CAST: variants seen among roughly 807,000 people sequenced by gnomAD.
CAST encodes the protein calpastatin, also known as MIR583 host.
In CAST, 76 loss-of-function variants were observed where a neutral mutation model predicts 119.6. The observed-to-expected ratio is 0.64, with a 90% CI of 0.53 to 0.77. The LOEUF is 0.77. CAST is among the 30% of genes least tolerant of loss of function. The pLI is 0.00. For missense variants in CAST, 953 were observed against 946.5 expected (o/e 1.01, Z -0.09); for synonymous variants, 319 against 331.6 (o/e 0.96, Z 0.41).
chr5:96,347,853 C>T, the CAST span, among the ~76,000 whole-genome samples: 1 of 152,122 alleles, frequency 6.6e-6, no homozygotes, highest in Non-Finnish European at 1.5e-5. Flanking sequence ...AGCCACTAAC[C>T]GTGTCTACTA....
chr5:96,263,653 C>T, the CAST span, among the ~76,000 whole-genome samples: 19 of 152,014 alleles, frequency 1.2e-4, no homozygotes, highest in South Asian at 3.9e-3. Context: ...AAAAATAATC[C>T]TCATTTAACT....
At chr5:96,090,771 A>T in the CAST span, among the ~76,000 whole-genome samples, 1 of 151,534 alleles carries the variant, frequency 6.6e-6, no homozygotes, top group Admixed American at 6.6e-5. Flanking sequence ...CTTTTGGGAG[A>T]TCAGCAGAGA....
At chr5:96,039,587 A>G in the CAST span, among the ~76,000 whole-genome samples, 2 of 152,164 alleles carry the variant, frequency 1.3e-5, no homozygotes, top group African/African-American at 4.8e-5. Context: ...AGTTTTTTGC[A>G]TATGGCTAGC....
the CAST span, among the ~76,000 whole-genome samples, chr5:96,356,730 T>C: frequency 6.6e-6 from 1 of 152,228 alleles, no homozygotes. Context: ...TTTTTATTAC[T>C]GTAGCCTTGT....
At chr5:96,556,344 A>G (rs1431535226) in intron 1 of CAST, among the ~76,000 whole-genome samples, 1 of 152,222 alleles carries the variant, frequency 6.6e-6, no homozygotes, top group South Asian at 2.1e-4. Context: ...CCAGCAACAG[A>G]ACAAAGCTGG....
the CAST span, among the ~76,000 whole-genome samples, chr5:96,187,684 T>C: frequency 6.6e-6 from 1 of 152,234 alleles, no homozygotes; most frequent in African/African-American, 2.4e-5. Context: ...GTGACTTGTT[T>C]ATCTTTGTAT....
At chr5:96,381,282 A>G in the CAST span, among the ~76,000 whole-genome samples, 2 of 152,152 alleles carry the variant, frequency 1.3e-5, no homozygotes, top group African/African-American at 4.8e-5. Context: ...TATTACTGTA[A>G]TTTTATAATT....
At chr5:96,151,036 C>T in the CAST span, among the ~76,000 whole-genome samples, 4 of 152,170 alleles carry the variant, frequency 2.6e-5, no homozygotes, top group Non-Finnish European at 4.4e-5. Flanking sequence ...GATGAGCTTC[C>T]TTGCCTGGAT....
At chr5:95,975,173 T>A in the CAST span, among the ~76,000 whole-genome samples, 3 of 152,196 alleles carry the variant, frequency 2.0e-5, no homozygotes, top group African/African-American at 7.2e-5. Context: ...GTGATGGAAA[T>A]TTTTCTAATG....
At chr5:96,333,510 G>C in the CAST span, among the ~76,000 whole-genome samples, 1 of 151,864 alleles carries the variant, frequency 6.6e-6, no homozygotes, top group African/African-American at 2.4e-5. Context: ...TTCTTGCTTG[G>C]TCTTCCCGAC....
At chr5:96,625,486 A>G (rs1465580865) in intron 1 of CAST, among the ~76,000 whole-genome samples, 1 of 152,234 alleles carries the variant, frequency 6.6e-6, no homozygotes, top group East Asian at 1.9e-4. Flanking sequence ...TTTTGCCACC[A>G]TATCTGGAGT....
the CAST span, among the ~76,000 whole-genome samples, chr5:96,184,276 C>G: frequency 6.6e-6 from 1 of 152,188 alleles, no homozygotes; most frequent in Non-Finnish European, 1.5e-5. Flanking sequence ...TGGAAGCACT[C>G]TCTTACTTCT....
chr5:96,697,680 G>A (rs1233502559), intron 3 of CAST, among the ~76,000 whole-genome samples: 1 of 152,206 alleles, frequency 6.6e-6, no homozygotes, highest in Non-Finnish European at 1.5e-5. Flanking sequence ...TGGCCACTGG[G>A]TGAGAGAGTT....
chr5:96,422,036 C>T, the CAST span: 2,168 of 806,854 alleles, frequency 2.7e-3, 40 homozygotes, highest in Non-Finnish European at 8.0e-4. Context: ...CTTCCCAAGC[C>T]TCTTACCCTA....
chr5:96,229,889 C>T, the CAST span, among the ~76,000 whole-genome samples: 10 of 152,192 alleles, frequency 6.6e-5, no homozygotes, highest in Middle Eastern at 3.4e-3. Context: ...CTTTTATCCT[C>T]CCCCCGTGTT....
At chr5:96,185,209 T>G in the CAST span, among the ~76,000 whole-genome samples, 1 of 152,242 alleles carries the variant, frequency 6.6e-6, no homozygotes, top group Non-Finnish European at 1.5e-5. Flanking sequence ...GTTTTTTTCT[T>G]GTAAATTTGT....
chr5:96,071,934 G>A, the CAST span, among the ~76,000 whole-genome samples: 14 of 151,900 alleles, frequency 9.2e-5, no homozygotes, highest in African/African-American at 3.1e-4. Flanking sequence ...CGGTACATGG[G>A]TACATAATTT....
rs1460294183 is a variant in CAST at position 96,565,777 on chromosome 5, G to C, written c.60+35897G>C. Among the ~76,000 whole-genome samples the C allele has an allele frequency of 3.3e-5, 5 of 152,144 alleles. No individual in the cohort carries two copies. In the East Asian group the frequency reaches 9.6e-4, roughly 29 times the overall value. On this transcript the variant is annotated intron_variant, in intron 1 of 11. Coordinates refer to the CAST transcript ENST00000505143. The stretch of plus-strand genomic sequence containing the variant: ...AGCCATCTCCCCATGAGATGTACCG[G>C]GCAGAAGGGAATACCTGCTCTCCTA...
At chr5:96,081,957 A>G in the CAST span, among the ~76,000 whole-genome samples, 1 of 152,174 alleles carries the variant, frequency 6.6e-6, no homozygotes, top group Non-Finnish European at 1.5e-5. Flanking sequence ...TCTGTCGCCC[A>G]GGCTGGAGTG....
Sources: gnomAD v4.1 joint callset for allele counts (sites outside exome capture counted in the v4.1 genomes callset) on GRCh38, gnomAD v4.1.1 for gene constraint, MANE v1.5 for transcripts, NCBI Gene and HGNC (gene_info 2026-07-23, HGNC 2026-07-21) for gene names.